Variants in LTB observed in about 807,000 individuals in gnomAD.
The protein encoded by LTB is lymphotoxin-beta.
Under a neutral mutation model 14.7 loss-of-function variants are expected in LTB, and 17 were observed. The ratio of observed to expected loss-of-function variants is 1.16; its 90% confidence interval spans 0.79 to 1.73. The LOEUF (loss-of-function observed/expected upper bound fraction) is 1.73. LTB is among the 40% of genes most tolerant of loss of function. The probability of loss-of-function intolerance (pLI) is 0.00; values close to 1 mark genes in which losing one functional copy is unlikely to be tolerated. For synonymous variants in LTB, 163 were observed against 157.3 expected (o/e 1.04, Z -0.27); for missense variants, 288 against 324.3 (o/e 0.89, Z 0.86).
Position 31,581,849 on chromosome 6 carries a change from G to A in LTB, c.173C>T (p.Thr58Met), listed in dbSNP as rs567302751. ...PQDQGGLVTE[T>M]ADPGAQAQQG... ...CTGGGCCTGTGCCCCGGGGTCGGCC[G>A]TCTCCGTTACCTGGTTGGGTGGGGT... Residue 58 changes from threonine to methionine, a missense_variant, in exon 2 of 4, where the codon ACG (threonine) becomes ATG (methionine). Thr to Met is a moderately conservative substitution (Grantham distance 81). Coordinates refer to ENST00000429299, the MANE Select transcript of LTB (RefSeq NM_002341.2). 3 of 1,596,070 alleles carry A rather than the reference G, an allele frequency of 1.9e-6. No individual in the cohort carries two copies. Among genetic ancestry groups the A allele is most frequent in the African/African-American group, 2.7e-5 (2 of 74,380 alleles).
chr6:31,580,718 C>T lies in LTB; in HGVS notation c.726G>A (p.Met242Ile), dbSNP rs1771420172. 6.2e-7 allele frequency: 1 copy of T among 1,609,532 alleles called. No homozygotes were observed. Among genetic ancestry groups the T allele is most frequent in the Admixed American group, 1.7e-5 (1 of 59,848 alleles). ...ACGCACTCATATTCCCTCACCCCAC[C>T]ATCACGGCCCCAAAGAAGGTCTTCC... ...ARGKTFFGAV[M>I]VG Residue 242 changes from methionine (M) to isoleucine (I), a missense_variant, in exon 4 of 4, where the codon ATG (methionine) becomes ATA (isoleucine). By Grantham distance (10) the Met-to-Ile change is conservative. This residue lies in a region of LTB where 4 missense variants were observed against 25.1 expected (regional missense o/e 0.16). Coordinates refer to ENST00000429299, the MANE Select transcript of LTB (RefSeq NM_002341.2). This position sits in a 1 kb window ranked among gnomAD's most constrained non-coding sequence, Gnocchi z 6.6.
At chr6:31,582,189 C>A in intron 1 of LTB, 67 bp downstream of exon 1, 1 of 1,586,064 alleles carries the variant, frequency 6.3e-7, no homozygotes, top group Admixed American at 1.7e-5. Flanking sequence ...AGACCACAGG[C>A]ACAACCAGAG....
chr6:31,581,478 A>G (rs1771502930), intron 3 of LTB, 81 bp downstream of exon 3: 3 of 1,349,520 alleles, frequency 2.2e-6, no homozygotes, highest in African/African-American at 1.4e-5. Flanking sequence ...CACTGGAATC[A>G]TGGAGCCGAA....
chr6:31,581,932 C>T, intron 1 of LTB, 73 bp from the exon 2 acceptor site: 2 of 1,460,484 alleles, frequency 1.4e-6, no homozygotes, highest in Non-Finnish European at 1.9e-6. Context: ...GAAAGTGGAC[C>T]CAAGCTGCAG....
chr6:31,581,739 G>A (rs1275888093), intron 2 of LTB, 75 bp downstream of exon 2: 4 of 1,601,940 alleles, frequency 2.5e-6, no homozygotes, highest in Admixed American at 1.7e-5. Context: ...AGAGGAAGAG[G>A]TATCTGGGGA....
In LTB at chr6:31,580,943, C is replaced by T. The variant is rs1174128229; in HGVS notation, c.501G>A (p.Gly167=). 6.4e-7 allele frequency: 1 copy of T among 1,574,516 alleles called. No homozygotes were observed. Among genetic ancestry groups the T allele is most frequent in the South Asian group, 1.2e-5 (1 of 86,952 alleles). Residue 167 remains glycine (G), a synonymous_variant, in exon 4 of 4, where the codon GGG becomes GGA. Transcript: ENST00000429299. This position sits in a 1 kb window ranked among gnomAD's most constrained non-coding sequence, Gnocchi z 6.6. The part of the protein sequence containing the change: ...VTLRSSLYRA[G]GAYGPGTPEL... ...CGGGAGTGCCCGGCCCGTAGGCGCC[C>T]CCCGCCCGGTACAGAGAGCTGCGCA...
At position 31,580,897 on chromosome 6, in the gene LTB, C is replaced by T. The variant is rs940455989; in HGVS notation, c.547G>A (p.Glu183Lys). The T allele has an allele frequency of 1.3e-6, 2 of 1,597,790 alleles. No homozygotes were observed. Among genetic ancestry groups the T allele is most frequent in the Non-Finnish European group, 1.7e-6 (2 of 1,173,240 alleles). Reference sequence around the variant, plus strand: ...GGGTCCAGCACTGGAGTCACCGTCTCGGCGCCCTCGAGCAGCAGCTCGGGA... The same window carrying T: ...GGGTCCAGCACTGGAGTCACCGTCTTGGCGCCCTCGAGCAGCAGCTCGGGA... ...GTPELLLEGAETVTPVLDPAR... is the reference protein window; with the variant it reads ...GTPELLLEGAKTVTPVLDPAR... The change falls in exon 4 of 4, where the codon GAG becomes AAG. Residue 183 changes from glutamate to lysine, a missense_variant. Physicochemically the swap from Glu to Lys is moderately conservative, Grantham distance 56 (BLOSUM62 1). This residue lies in a region of LTB where 284 missense variants were observed against 299.2 expected (regional missense o/e 0.95). Transcript: ENST00000429299. The surrounding 1 kb of genome is among the most constrained non-coding windows in gnomAD (Gnocchi z 6.6).
In LTB at chr6:31,581,127, G is replaced by T; in HGVS notation, c.317C>A (p.Thr106Lys). ...CGTCAGAAACGCCTGTTCCTTCGTC[G>T]TCTCCCAGCCTAGCCCCTGCCCCTT... The part of the protein sequence containing the change: ...PLKGQGLGWE[T>K]TKEQAFLTSG... The change falls in exon 4 of 4, where the codon ACG becomes AAG. Residue 106 changes from threonine (T) to lysine (K), a missense_variant. Around this residue, in one of 2 missense-constraint regions of LTB, gnomAD observed 284 missense variants for 299.2 expected, o/e 0.95. Coordinates refer to ENST00000429299, the MANE Select transcript of LTB (RefSeq NM_002341.2). 1 of 1,585,156 alleles carries T rather than the reference G, an allele frequency of 6.3e-7. No individual in the cohort carries two copies.
chr6:31,581,719 C>T, intron 2 of LTB, 89 bp from the exon 3 acceptor site: 1 of 1,600,654 alleles, frequency 6.2e-7, no homozygotes, highest in Non-Finnish European at 8.6e-7. Context: ...GATGGGGAGC[C>T]TGGATTCCTA....
Position 31,581,834 on chromosome 6 carries a change from G to GC in LTB, c.187dup (p.Ala63GlyfsTer?). On this transcript the variant is annotated frameshift_variant, in exon 2 of 4. Coordinates refer to ENST00000429299, the MANE Select transcript of LTB (RefSeq NM_002341.2). LOFTEE classifies it high-confidence loss of function. ...CTTACCCAGTCCTTGCTGGGCCTGT[G>GC]CCCCGGGGTCGGCCGTCTCCGTTAC... 6.2e-7 allele frequency: 1 copy of GC among 1,603,176 alleles called. No individual in the cohort carries two copies. Among genetic ancestry groups the GC allele is most frequent in the Non-Finnish European group, 8.5e-7 (1 of 1,176,030 alleles).
chr6:31,581,988 T>A (rs536474367), intron 1 of LTB, 129 bp from the exon 2 acceptor site: 1 of 959,458 alleles, frequency 1.0e-6, no homozygotes, highest in Middle Eastern at 2.2e-4. Flanking sequence ...CACACCTCCT[T>A]AGAAGGGAGA....
In LTB at chr6:31,581,587, G is replaced by A. The variant is rs4647186; in HGVS notation, c.252C>T (p.Ser84=). Residue 84 remains serine, a synonymous_variant, in exon 3 of 4, where the codon AGC becomes AGT. Coordinates refer to ENST00000429299, the MANE Select transcript of LTB (RefSeq NM_002341.2). The stretch of plus-strand genomic sequence containing the variant: ...TGAGGTGGGCAGCTGGGAGCCCGGG[G>A]CTGAGATCTGTTTCTGGCTCCTCCT... ...LPEEEPETDL[S]PGLPAAHLIG... 10 of 1,612,948 alleles carry A rather than the reference G, an allele frequency of 6.2e-6. No homozygotes were observed. The highest frequency in any genetic ancestry group is 7.6e-6 in the Non-Finnish European group (9 of 1,179,998).
At chr6:31,581,311 G>A (rs907001645) in intron 3 of LTB, 148 bp from the exon 4 acceptor site, 1 of 793,474 alleles carries the variant, frequency 1.3e-6, no homozygotes, top group Non-Finnish European at 2.0e-6. Context: ...TGCGAGTTGG[G>A]GGCCGAGGGA....
At position 31,581,644 on chromosome 6, in the gene LTB, A is replaced by C; in HGVS notation, c.209-14T>G. The C allele has an allele frequency of 6.2e-7, 1 of 1,612,692 alleles. No individual in the cohort carries two copies. Among genetic ancestry groups the C allele is most frequent in the Non-Finnish European group, 8.5e-7 (1 of 1,179,740 alleles). Reference sequence around the variant, plus strand: ...GCTTCTGAAACCCTGGAAGGGGCAAAGAGTCCACGATTGGGGGCAGGGCAG... The same window carrying C: ...GCTTCTGAAACCCTGGAAGGGGCAACGAGTCCACGATTGGGGGCAGGGCAG... On this transcript the variant is annotated splice_polypyrimidine_tract_variant and intron_variant, in intron 2 of 3. Coordinates refer to ENST00000429299, the MANE Select transcript of LTB (RefSeq NM_002341.2).
intron 1 of LTB, 101 bp downstream of exon 1, chr6:31,582,155 G>C (rs2150395867): frequency 7.2e-7 from 1 of 1,398,346 alleles, no homozygotes; most frequent in Non-Finnish European, 1.0e-6. Flanking sequence ...GGACAGCCGA[G>C]CCAGCTGAGC....
chr6:31,581,558 C>G lies in LTB; in HGVS notation c.280+1G>C, dbSNP rs1375473912. 1.2e-6 allele frequency: 2 copies of G among 1,612,790 alleles called. No individual in the cohort carries two copies. Among genetic ancestry groups the G allele is most frequent in the Non-Finnish European group, 1.7e-6 (2 of 1,179,820 alleles). ...CTTATTCAGGTCTTGGAGGTCCTTA[C>G]CTATGAGGTGGGCAGCTGGGAGCCC... On this transcript the variant is annotated splice_donor_variant, in intron 3 of 3. Transcript: ENST00000429299. LOFTEE classifies it high-confidence loss of function.
chr6:31,581,665 GGCAGCC>G (rs1771526912), intron 2 of LTB, 35 bp from the exon 3 acceptor site: 5 of 1,607,394 alleles, frequency 3.1e-6, no homozygotes, highest in African/African-American at 1.3e-5. Context: ...TTGGGGGCAG[GGCAGCC>G]ACCCATGCAG....
chr6:31,581,594 T>G lies in LTB; in HGVS notation c.245A>C (p.Asp82Ala), dbSNP rs1771515238. 1 of 1,612,678 alleles carries G rather than the reference T, an allele frequency of 6.2e-7. No individual in the cohort carries two copies. The highest frequency in any genetic ancestry group is 2.2e-5 in the East Asian group (1 of 44,884). Residue 82 changes from aspartate (D) to alanine (A), a missense_variant, in exon 3 of 4, where the codon GAT becomes GCT. Transcript: ENST00000429299. ...QKLPEEEPET[D>A]LSPGLPAAHL... Reference sequence around the variant, plus strand: ...GGCAGCTGGGAGCCCGGGGCTGAGATCTGTTTCTGGCTCCTCCTCTGGCAG... The same window carrying G: ...GGCAGCTGGGAGCCCGGGGCTGAGAGCTGTTTCTGGCTCCTCCTCTGGCAG...
At chr6:31,581,417 G>A in intron 3 of LTB, 142 bp downstream of exon 3, 1 of 871,454 alleles carries the variant, frequency 1.1e-6, no homozygotes, top group Non-Finnish European at 1.9e-6. Flanking sequence ...GGGGACGAGC[G>A]TAAGAGTGGG....
Sources: allele counts gnomAD v4.1 joint callset, GRCh38; gene constraint gnomAD v4.1.1; regional missense constraint gnomAD v4.1.1; non-coding constraint Gnocchi (gnomAD v3.1); transcripts MANE v1.5; gene names NCBI Gene and HGNC (gene_info 2026-07-23, HGNC 2026-07-21).